Variants in RSF1 observed in about 807,000 individuals in gnomAD.
RSF1 encodes HBV pX-associated protein 8.
In RSF1, 13 loss-of-function variants were observed where a neutral mutation model predicts 145.2. The observed-to-expected ratio is 0.09, with a 90% CI of 0.06 to 0.14. The LOEUF is 0.14. RSF1 is among the 10% of genes least tolerant of loss of function. The probability of loss-of-function intolerance (pLI) is 1.00; values close to 1 mark genes in which losing one functional copy is unlikely to be tolerated. For synonymous variants in RSF1, 577 were observed against 592.6 expected (o/e 0.97, Z 0.38); for missense variants, 1,517 against 1,718.2 (o/e 0.88, Z 2.07).
chr11:77,701,522 C>T lies in RSF1; in HGVS notation c.1707G>A (p.Lys569=). ...TESCTMKGEE[K]SPKTKKDKRP... is the part of the protein sequence containing the mutation. ...GCTTATCCTTCTTAGTTTTGGGAGA[C>T]TTCTCTTCACCTTTCATGGTACACG... The change falls in exon 6 of 16, where the codon AAG becomes AAA. Residue 569 remains lysine, a synonymous_variant. Coordinates refer to ENST00000308488, the MANE Select transcript of RSF1 (RefSeq NM_016578.4). The T allele has an allele frequency of 6.2e-7, 1 of 1,613,922 alleles. No individual in the cohort carries two copies. Among genetic ancestry groups the T allele is most frequent in the Non-Finnish European group, 8.5e-7 (1 of 1,179,964 alleles).
At chr11:77,763,963 T>C (rs952839237) in intron 2 of RSF1, 8 of 152,108 alleles carry the variant, frequency 5.3e-5, no homozygotes, top group African/African-American at 1.9e-4. Flanking sequence ...ATGCATTACA[T>C]TTGAATCAAC....
chr11:77,813,675 A>G (rs1199025178), intron 1 of RSF1: 2 of 530,942 alleles, frequency 3.8e-6, no homozygotes, highest in Non-Finnish European at 7.1e-6. Context: ...CTTCAAAGCC[A>G]TAGCTGCTGC....
chr11:77,673,505 A>G (rs922974459), intron 14 of RSF1, among the ~76,000 whole-genome samples: 2 of 152,216 alleles, frequency 1.3e-5, no homozygotes, highest in Admixed American at 1.3e-4. Context: ...CTAAATAGTG[A>G]TGGGAATGTA....
intron 1 of RSF1, among the ~76,000 whole-genome samples, chr11:77,788,587 T>C (rs1948485045): frequency 6.7e-6 from 1 of 150,164 alleles, no homozygotes; most frequent in Admixed American, 6.6e-5. Flanking sequence ...TGCCTTAGTC[T>C]AGTGAAAAAG....
the RSF1 span, chr11:77,840,897 C>T: frequency 3.1e-6 from 1 of 317,696 alleles, no homozygotes; most frequent in Non-Finnish European, 5.8e-6. Context: ...GGGGGTTTAG[C>T]CATTTGCCTA....
At chr11:77,796,737 C>T (rs960337733) in intron 1 of RSF1, among the ~76,000 whole-genome samples, 1 of 152,192 alleles carries the variant, frequency 6.6e-6, no homozygotes, top group African/African-American at 2.4e-5. Flanking sequence ...TTGCAAATAA[C>T]ATGATTATAC....
chr11:77,711,580 G>A (rs1960686487), intron 5 of RSF1, among the ~76,000 whole-genome samples: 1 of 152,152 alleles, frequency 6.6e-6, no homozygotes, highest in East Asian at 1.9e-4. Flanking sequence ...GAGGGCAGGA[G>A]AATTGCTTGC....
At chr11:77,828,847 GCTT>G in the RSF1 span, among the ~76,000 whole-genome samples, 1 of 152,128 alleles carries the variant, frequency 6.6e-6, no homozygotes, top group East Asian at 1.9e-4. Flanking sequence ...ATTCCAGCTG[GCTT>G]CTTTGCAGAA....
At chr11:77,849,489 G>T in the RSF1 span, among the ~76,000 whole-genome samples, 1 of 152,164 alleles carries the variant, frequency 6.6e-6, no homozygotes, top group Non-Finnish European at 1.5e-5. Flanking sequence ...CTCTCAAAGT[G>T]CTGGGATTAT....
chr11:77,687,146 C>T lies in RSF1; in HGVS notation c.2901-1987G>A, dbSNP rs142706877. ...ACACATATTTTGCTGTTTAGAGCTC[C>T]TAAGATTCATATACATGTGTGTGTA... On this transcript the variant is annotated intron_variant, in intron 9 of 15. Coordinates refer to ENST00000308488, the MANE Select transcript of RSF1 (RefSeq NM_016578.4). Among the ~76,000 whole-genome samples the T allele has an allele frequency of 3.0e-3, 458 of 152,198 alleles. 3 individuals carry two copies. The highest frequency in any genetic ancestry group is 3.8e-3 in the Non-Finnish European group (259 of 68,002).
At position 77,676,325 on chromosome 11, in the gene RSF1, A is replaced by G. The variant is rs142600805; in HGVS notation, c.3341+467T>C. Reference sequence around the variant, plus strand: ...TATATACTTGTTTCCTCTTCTAATAATCTGAAAGGAGAAACTCTGCAGTAT... The same window carrying G: ...TATATACTTGTTTCCTCTTCTAATAGTCTGAAAGGAGAAACTCTGCAGTAT... On this transcript the variant is annotated intron_variant, in intron 13 of 15. Coordinates refer to ENST00000308488, the MANE Select transcript of RSF1 (RefSeq NM_016578.4). 4.1e-4 allele frequency among the ~76,000 whole-genome samples: 62 copies of G among 151,864 alleles called. No individual in the cohort carries two copies. In the East Asian group the frequency reaches 0.011, roughly 27 times the overall value.
At chr11:77,735,394 T>G (rs1229694771) in intron 4 of RSF1, among the ~76,000 whole-genome samples, 3 of 152,194 alleles carry the variant, frequency 2.0e-5, no homozygotes, top group African/African-American at 4.8e-5. Flanking sequence ...AAATTCCATT[T>G]GATGTTTAAT....
intron 2 of RSF1, among the ~76,000 whole-genome samples, chr11:77,751,650 A>C (rs1565169906): frequency 6.6e-6 from 1 of 152,218 alleles, no homozygotes; most frequent in Non-Finnish European, 1.5e-5. Flanking sequence ...GACAGAAATG[A>C]CATAATCACA....
chr11:77,772,848 G>GGA (rs1554996047), intron 1 of RSF1, among the ~76,000 whole-genome samples: 1 of 85,192 alleles, frequency 1.2e-5, no homozygotes, highest in African/African-American at 4.9e-5. Flanking sequence ...GCCCAAGATG[G>GGA]AAAAAAAAAA....
chr11:77,797,113 C>T (rs1044392837), intron 1 of RSF1, among the ~76,000 whole-genome samples: 4 of 152,140 alleles, frequency 2.6e-5, no homozygotes, highest in Admixed American at 1.3e-4. Flanking sequence ...CAATGCTATC[C>T]CCATCAAGCT....
At chr11:77,774,502 G>A (rs1948320155) in intron 1 of RSF1, among the ~76,000 whole-genome samples, 1 of 151,796 alleles carries the variant, frequency 6.6e-6, no homozygotes, top group South Asian at 2.1e-4. Context: ...AACCCAGGAG[G>A]TGGAGGTTGC....
intron 5 of RSF1, 69 bp from the exon 6 acceptor site, chr11:77,702,564 T>C: frequency 1.0e-6 from 1 of 995,126 alleles, no homozygotes; most frequent in Non-Finnish European, 1.4e-6. Flanking sequence ...AGACTTAGTA[T>C]AATGTATATT....
At chr11:77,703,993 C>T (rs779335877) in intron 5 of RSF1, among the ~76,000 whole-genome samples, 3 of 152,154 alleles carry the variant, frequency 2.0e-5, no homozygotes, top group East Asian at 3.8e-4. Flanking sequence ...TGATTACTAT[C>T]TTTAAAAATA....
At chr11:77,792,466 C>T (rs143289351) in intron 1 of RSF1, among the ~76,000 whole-genome samples, 43 of 152,254 alleles carry the variant, frequency 2.8e-4, no homozygotes, top group South Asian at 6.2e-4. Context: ...TGCTGGTGTA[C>T]GTCACCCTGG....
Sources: gnomAD v4.1 joint callset for allele counts (sites outside exome capture counted in the v4.1 genomes callset) on GRCh38, gnomAD v4.1.1 for gene constraint, MANE v1.5 for transcripts, NCBI Gene and HGNC (gene_info 2026-07-23, HGNC 2026-07-21) for gene names.